FHIP2A: variants seen among roughly 807,000 people sequenced by gnomAD.
FHIP2A encodes the protein family with sequence similarity 160 member B1.
In FHIP2A, 46 loss-of-function variants were observed where a neutral mutation model predicts 93.5. The ratio of observed to expected loss-of-function variants is 0.49; its 90% CI spans 0.39 to 0.63. FHIP2A has a LOEUF of 0.63. Ranked by LOEUF, FHIP2A falls within the 20% of genes least tolerant of loss-of-function variation. The pLI is 0.00. For synonymous variants in FHIP2A, 332 were observed against 326.5 expected, an observed-to-expected ratio of 1.02 and a Z score of -0.18; for missense variants, 769 against 909.7, an observed-to-expected ratio of 0.85 and a Z score of 1.99.
intron 16 of FHIP2A, among the ~76,000 whole-genome samples, chr10:114,876,672 G>A (rs1005399323): frequency 6.6e-6 from 1 of 152,042 alleles, no homozygotes; most frequent in African/African-American, 2.4e-5. Context: ...GCTTCCCAGG[G>A]GGCTCAGATG....
intron 15 of FHIP2A, 65 bp from the exon 16 acceptor site, chr10:114,861,166 T>C (rs2083796221): frequency 1.3e-6 from 2 of 1,576,410 alleles, no homozygotes; most frequent in Non-Finnish European, 1.7e-6. Context: ...ATTTTTCTTT[T>C]TAGATCCTGA....
At chr10:114,849,930 A>G (rs1449304909) in intron 13 of FHIP2A, among the ~76,000 whole-genome samples, 1 of 152,200 alleles carries the variant, frequency 6.6e-6, no homozygotes, top group Non-Finnish European at 1.5e-5. Flanking sequence ...TTCAAGTTTC[A>G]TTCAAGTTGA....
intron 16 of FHIP2A, among the ~76,000 whole-genome samples, chr10:114,892,592 G>A (rs1414809364): frequency 6.6e-6 from 1 of 151,860 alleles, no homozygotes; most frequent in African/African-American, 2.4e-5. Flanking sequence ...GAGTGGAGAC[G>A]GTGCCACTGC....
At position 114,864,059 on chromosome 10, in the gene FHIP2A, G is replaced by GT. The variant is rs959361924; in HGVS notation, c.*2520dup. 6 of 990,022 alleles carry GT rather than the reference G, an allele frequency of 6.1e-6. No individual in the cohort carries two copies. In the African/African-American group the frequency reaches 1.0e-4, roughly 17 times the overall value. 61.3% of individuals were successfully genotyped at this position (990,022 alleles called of 1,614,324 possible). On this transcript the variant is annotated 3_prime_UTR_variant, in exon 17 of 17. Transcript: ENST00000369248. ...TATCTGTTTGTGCAATATGGAAGCT[G>GT]TGAGTGGATTCATAGCTTTTTGGTT...
intron 1 of FHIP2A, among the ~76,000 whole-genome samples, chr10:114,824,295 T>C (rs543508464): frequency 1.3e-5 from 2 of 152,284 alleles, no homozygotes; most frequent in South Asian, 4.2e-4. Context: ...AAAGGCTCAT[T>C]TTTATCCGGA....
intron 1 of FHIP2A, among the ~76,000 whole-genome samples, chr10:114,823,860 CA>C (rs796795510): frequency 4.6e-5 from 7 of 152,158 alleles, no homozygotes; most frequent in African/African-American, 1.7e-4. Flanking sequence ...ACTTGGTAAT[CA>C]AAATTTACTA....
Position 114,863,699 on chromosome 10 carries a change from G to A in FHIP2A, c.*2159G>A. 7.7e-7 allele frequency: 1 copy of A among 1,302,346 alleles called. No individual in the cohort carries two copies. The highest frequency in any genetic ancestry group is 1.0e-6 in the Non-Finnish European group (1 of 988,382). 80.7% of individuals were successfully genotyped at this position (1,302,346 alleles called of 1,614,324 possible). A position where few individuals can be genotyped will look rare whatever the true frequency, so the allele number is the denominator to read the frequency against. On this transcript the variant is annotated 3_prime_UTR_variant, in exon 17 of 17. Coordinates refer to ENST00000369248, the MANE Select transcript of FHIP2A (RefSeq NM_020940.4). ...CTCACAGTGAGTTCAATTTGTTAGT[G>A]AAACATTGTACTGCATCACCAGTTT...
Position 114,861,807 on chromosome 10 carries a change from A to G in FHIP2A, c.*267A>G. The stretch of plus-strand genomic sequence containing the variant: ...TACAATCAAAGGAACTTCAGGAAAT[A>G]AGCATTTCTAATGACTGTGAAAAGC... On this transcript the variant is annotated 3_prime_UTR_variant, in exon 17 of 17. Coordinates refer to ENST00000369248, the MANE Select transcript of FHIP2A (RefSeq NM_020940.4). 9.1e-7 allele frequency: 1 copy of G among 1,100,056 alleles called. No homozygotes were observed. Among genetic ancestry groups the G allele is most frequent in the Non-Finnish European group, 1.1e-6 (1 of 902,282 alleles). 68.1% of individuals were successfully genotyped at this position (1,100,056 alleles called of 1,614,324 possible).
chr10:114,828,788 T>A (rs2083591946), intron 1 of FHIP2A, among the ~76,000 whole-genome samples: 1 of 152,204 alleles, frequency 6.6e-6, no homozygotes, highest in African/African-American at 2.4e-5. Context: ...ACTCCTTTCT[T>A]GCAGTCTTTT....
intron 12 of FHIP2A, among the ~76,000 whole-genome samples, chr10:114,847,489 A>G (rs1027670620): frequency 3.3e-5 from 5 of 151,972 alleles, no homozygotes; most frequent in African/African-American, 4.8e-5. Context: ...GGGTCTCACC[A>G]TGTTGGTTAG....
intron 5 of FHIP2A, among the ~76,000 whole-genome samples, chr10:114,837,298 T>G (rs2083641782): frequency 6.6e-6 from 1 of 152,146 alleles, no homozygotes; most frequent in African/African-American, 2.4e-5. Flanking sequence ...GTGGATCAGT[T>G]GAGGTCAGGA....
At chr10:114,855,046 A>T (rs1207522868) in intron 13 of FHIP2A, 151 bp from the exon 14 acceptor site, 5 of 678,006 alleles carry the variant, frequency 7.4e-6, no homozygotes, top group Non-Finnish European at 1.2e-5. Flanking sequence ...GAAAGATCTG[A>T]GTCATCTCTT....
intron 16 of FHIP2A, among the ~76,000 whole-genome samples, chr10:114,892,770 T>C (rs1247541315): frequency 6.6e-6 from 1 of 152,194 alleles, no homozygotes; most frequent in African/African-American, 2.4e-5. Context: ...TGGTATTATA[T>C]ACAGATAGAA....
In FHIP2A at chr10:114,864,122, G is replaced by GTATATATA. The variant is rs1262039000; in HGVS notation, c.*2585_*2592dup. The GTATATATA allele has an allele frequency of 6.5e-6, 6 of 921,794 alleles. No individual in the cohort carries two copies. The African/African-American group carries it at 8.8e-5, about 14-fold the overall frequency. 57.1% of individuals were successfully genotyped at this position (921,794 alleles called of 1,614,324 possible). On this transcript the variant is annotated 3_prime_UTR_variant, in exon 17 of 17. Transcript: ENST00000369248. ...ATTGTGTGTGTATATATGTATATAT[G>GTATATATA]TATATATATAAGGACCAAAATTCTT...
chr10:114,839,987 G>A (rs532617950), intron 5 of FHIP2A, among the ~76,000 whole-genome samples: 1 of 151,928 alleles, frequency 6.6e-6, no homozygotes, highest in Admixed American at 6.6e-5. Flanking sequence ...CTAAAGTAGA[G>A]TAAGGTGAGA....
rs541941803 is a variant in FHIP2A, at chr10:114,854,786, G to C, written c.1804-411G>C. 1.5e-4 allele frequency among the ~76,000 whole-genome samples: 23 copies of C among 152,280 alleles called. No individual in the cohort carries two copies. The East Asian group carries it at 4.1e-3, about 27-fold the overall frequency. On this transcript the variant is annotated intron_variant, in intron 13 of 16. Transcript: ENST00000369248. ...CATCCATTCTAGGAATGGCAGGCTT[G>C]TCTTCTCAAATAACATGTATCAGTT...
chr10:114,851,714 C>CAAAAAAAAA (rs60649106), intron 13 of FHIP2A, among the ~76,000 whole-genome samples: 48 of 81,870 alleles, frequency 5.9e-4, no homozygotes, highest in Non-Finnish European at 6.6e-4. Flanking sequence ...TCCATTTCTG[C>CAAAAAAAAA]AAAAAAAAAA....
At position 114,843,019 on chromosome 10, in the gene FHIP2A, T is replaced by TA; in HGVS notation, c.610dup (p.Thr204AsnfsTer24). The stretch of plus-strand genomic sequence containing the variant: ...AAGGTCAGGATTCCTTGTCAACAGA[T>TA]ACAGGACAGTCCCGTCAACCAGAGG... On this transcript the variant is annotated frameshift_variant, in exon 6 of 17. Coordinates refer to ENST00000369248, the MANE Select transcript of FHIP2A (RefSeq NM_020940.4). LOFTEE classifies it high-confidence loss of function. 6.2e-7 allele frequency: 1 copy of TA among 1,613,884 alleles called. No homozygotes were observed. Among genetic ancestry groups the TA allele is most frequent in the Non-Finnish European group, 8.5e-7 (1 of 1,179,734 alleles).
At chr10:114,891,719 C>T (rs2083975982) in intron 16 of FHIP2A, among the ~76,000 whole-genome samples, 1 of 151,652 alleles carries the variant, frequency 6.6e-6, no homozygotes, top group African/African-American at 2.4e-5. Flanking sequence ...CGGGTTCAAG[C>T]GATTCTCCTG....
Sources: gnomAD v4.1 joint callset for allele counts (sites outside exome capture counted in the v4.1 genomes callset) on GRCh38, gnomAD v4.1.1 for gene constraint, MANE v1.5 for transcripts, NCBI Gene and HGNC (gene_info 2026-07-23, HGNC 2026-07-21) for gene names.